The following BAZ2B variants were observed in gnomAD, a reference collection of about 807,000 sequenced individuals.
BAZ2B encodes the protein bromodomain adjacent to zinc finger domain 2B.
A neutral mutation model predicts 246.0 loss-of-function variants in BAZ2B; 91 were observed. The observed-to-expected ratio is 0.37, with a 90% CI of 0.31 to 0.44. The LOEUF (loss-of-function observed/expected upper bound fraction) is 0.44. BAZ2B is among the 20% of genes least tolerant of loss of function. BAZ2B has a pLI of 1.00. For missense variants in BAZ2B, 2,332 were observed against 2,533.7 expected (o/e 0.92, Z 1.71); for synonymous variants, 855 against 860.0 (o/e 0.99, Z 0.10).
At chr2:159,588,810 A>G (rs565055457) in intron 1 of BAZ2B, among the ~76,000 whole-genome samples, 2 of 152,314 alleles carry the variant, frequency 1.3e-5, no homozygotes, top group Non-Finnish European at 2.9e-5. Flanking sequence ...AATGCTCGCC[A>G]TGCATCTCTA....
chr2:159,669,489 T>G, the BAZ2B span, among the ~76,000 whole-genome samples: 1 of 152,168 alleles, frequency 6.6e-6, no homozygotes, highest in African/African-American at 2.4e-5. Flanking sequence ...ATAGATTTTT[T>G]TTTTAGTTGT....
chr2:159,386,546 C>T lies in BAZ2B; in HGVS notation c.3278G>A (p.Cys1093Tyr). 1 of 1,613,458 alleles carries T rather than the reference C, an allele frequency of 6.2e-7. No individual in the cohort carries two copies. ...TCGTAAGAACTGCACCACCATGAGA[C>T]AGTCTGAAAATGTACTTCCAGAGAG... Reference protein sequence around the residue: ...LVLSGSTFSDCLMVVQFLRNF... With the variant: ...LVLSGSTFSDYLMVVQFLRNF... Residue 1093 changes from cysteine to tyrosine, a missense_variant, in exon 22 of 37, where the codon TGT becomes TAT. Physicochemically the swap from Cys to Tyr is radical, Grantham distance 194. This residue lies in a region of BAZ2B where 328 missense variants were observed against 410.4 expected (regional missense o/e 0.80). Transcript: ENST00000392783.
intron 2 of BAZ2B, among the ~76,000 whole-genome samples, chr2:159,517,845 C>T (rs1221015528): frequency 6.6e-6 from 1 of 152,172 alleles, no homozygotes; most frequent in Non-Finnish European, 1.5e-5. Flanking sequence ...AAGTTGCTAA[C>T]ATCACTAATC....
At chr2:159,690,250 T>C in the BAZ2B span, 541 of 379,296 alleles carry the variant, frequency 1.4e-3, 2 homozygotes, top group African/African-American at 9.9e-3. Context: ...TCTTAGAAAA[T>C]AGATCAGCCA....
intron 6 of BAZ2B, chr2:159,443,967 T>C (rs564095466): frequency 6.6e-6 from 1 of 152,288 alleles, no homozygotes; most frequent in Non-Finnish European, 1.5e-5. Flanking sequence ...TAGCACTACT[T>C]CTTAAGAGGT....
At chr2:159,566,713 A>C (rs1255270742) in intron 1 of BAZ2B, among the ~76,000 whole-genome samples, 1 of 152,178 alleles carries the variant, frequency 6.6e-6, no homozygotes. Flanking sequence ...AAGACTACTA[A>C]TTACGTATTT....
chr2:159,380,408 A>G (rs1048873491), intron 25 of BAZ2B, among the ~76,000 whole-genome samples: 13 of 152,198 alleles, frequency 8.5e-5, no homozygotes, highest in African/African-American at 3.1e-4. Context: ...GCCAAATTCA[A>G]TCAACATTTT....
intron 2 of BAZ2B, among the ~76,000 whole-genome samples, chr2:159,543,936 T>C (rs537764257): frequency 1.3e-5 from 2 of 152,386 alleles, no homozygotes; most frequent in East Asian, 1.9e-4. Context: ...AAAATCCATA[T>C]ATTGGATCTG....
intron 3 of BAZ2B, among the ~76,000 whole-genome samples, chr2:159,478,281 C>T (rs1051314699): frequency 6.6e-6 from 1 of 152,136 alleles, no homozygotes; most frequent in South Asian, 2.1e-4. Flanking sequence ...CCTTCTATTT[C>T]TTTCCCTCTT....
chr2:159,489,869 C>T lies in BAZ2B; in HGVS notation c.-2-11148G>A, dbSNP rs184984526. Among the ~76,000 whole-genome samples the T allele has an allele frequency of 2.4e-3, 359 of 152,276 alleles. 2 individuals are homozygous for T. Among genetic ancestry groups the T allele is most frequent in the Middle Eastern group, 3.4e-3 (1 of 294 alleles). Reference sequence around the variant, plus strand: ...TTTAGGCTGCAATGAGGTTTGGCTACACCACTGCACTCCAGCCAGGGTGAG... The same window carrying T: ...TTTAGGCTGCAATGAGGTTTGGCTATACCACTGCACTCCAGCCAGGGTGAG... On this transcript the variant is annotated intron_variant, in intron 2 of 36. Transcript: ENST00000392783.
intron 1 of BAZ2B, 199 bp downstream of exon 1, chr2:159,616,040 CACA>C (rs1696023030): frequency 6.6e-6 from 1 of 152,338 alleles, no homozygotes; most frequent in Non-Finnish European, 1.5e-5. Flanking sequence ...TTCCGGCCAC[CACA>C]ACAAAGAGCC....
chr2:159,501,872 G>A (rs1240987534), intron 2 of BAZ2B, among the ~76,000 whole-genome samples: 11 of 152,068 alleles, frequency 7.2e-5, no homozygotes, highest in Admixed American at 6.5e-4. Context: ...TACAAAAACT[G>A]GTACCTGAAT....
intron 33 of BAZ2B, among the ~76,000 whole-genome samples, chr2:159,333,908 G>T (rs115529572): frequency 0.014 from 2,162 of 152,152 alleles, 27 homozygotes; most frequent in Non-Finnish European, 0.023. Context: ...AAGGGCAAAA[G>T]CAGCAGTTTA....
intron 27 of BAZ2B, among the ~76,000 whole-genome samples, chr2:159,358,198 T>G (rs2059319328): frequency 6.6e-6 from 1 of 152,196 alleles, no homozygotes; most frequent in South Asian, 2.1e-4. Flanking sequence ...GACCCTTTGG[T>G]GTGCTGTATT....
chr2:159,355,655 A>G (rs1364855695), intron 27 of BAZ2B, among the ~76,000 whole-genome samples: 1 of 152,084 alleles, frequency 6.6e-6, no homozygotes, highest in African/African-American at 2.4e-5. Context: ...ATAACCTAAC[A>G]TATCCCAAAT....
intron 1 of BAZ2B, among the ~76,000 whole-genome samples, chr2:159,613,459 T>TAA (rs70997176): frequency 6.9e-6 from 1 of 144,368 alleles, no homozygotes; most frequent in South Asian, 2.2e-4. Context: ...TCTGATTTTC[T>TAA]AAAAAAAAAA....
chr2:159,577,360 C>T (rs1385922484), intron 1 of BAZ2B, among the ~76,000 whole-genome samples: 3 of 152,134 alleles, frequency 2.0e-5, no homozygotes, highest in Non-Finnish European at 4.4e-5. Flanking sequence ...GCATTTACCA[C>T]GTTAAAGAGG....
the BAZ2B span, among the ~76,000 whole-genome samples, chr2:159,629,437 A>G: frequency 3.3e-5 from 5 of 152,358 alleles, no homozygotes; most frequent in African/African-American, 7.2e-5. Context: ...ATGCCCATCA[A>G]TGATAGACTG....
chr2:159,701,949 G>A, the BAZ2B span, among the ~76,000 whole-genome samples: 3 of 152,078 alleles, frequency 2.0e-5, no homozygotes, highest in African/African-American at 4.8e-5. Context: ...GGCTGGTCTC[G>A]AACTCCTGAC....
Sources: gnomAD v4.1 joint callset for allele counts (sites outside exome capture counted in the v4.1 genomes callset) on GRCh38, gnomAD v4.1.1 for gene constraint, gnomAD v4.1.1 regional missense constraint, MANE v1.5 for transcripts, NCBI Gene and HGNC (gene_info 2026-07-23, HGNC 2026-07-21) for gene names.